Variants in PIBF1 observed in about 807,000 individuals in gnomAD.
PIBF1 encodes progesterone immunomodulatory binding factor 1.
Under a neutral mutation model 112.5 loss-of-function variants are expected in PIBF1, and 90 were observed. The ratio of observed to expected loss-of-function variants is 0.80; its 90% CI spans 0.67 to 0.95. The LOEUF is 0.95. Ranked by LOEUF, PIBF1 falls within the 40% of genes least tolerant of loss-of-function variation. PIBF1 has a pLI of 0.00. For missense variants in PIBF1, 915 were observed against 852.3 expected (o/e 1.07, Z -0.92); for synonymous variants, 301 against 288.6 (o/e 1.04, Z -0.44).
chr13:72,835,467 T>A (rs1172970893), intron 9 of PIBF1, 99 bp downstream of exon 9: 5 of 880,246 alleles, frequency 5.7e-6, no homozygotes, highest in Non-Finnish European at 8.1e-6. Flanking sequence ...ATGTCTTTTT[T>A]AATACATTAG....
intron 14 of PIBF1, among the ~76,000 whole-genome samples, chr13:72,931,718 G>GTATATATGTATATATATATA (rs2041704180): frequency 2.0e-5 from 2 of 101,978 alleles, no homozygotes; most frequent in Non-Finnish European, 3.9e-5. Context: ...TTTAAACTAC[G>GTATATATGTATATATATATA]TATATATATA....
intron 12 of PIBF1, among the ~76,000 whole-genome samples, chr13:72,911,431 G>A (rs1354052872): frequency 1.3e-5 from 2 of 151,910 alleles, no homozygotes; most frequent in Non-Finnish European, 2.9e-5. Flanking sequence ...AAAAAAATTG[G>A]ACATCTTTAT....
At chr13:72,922,540 C>G (rs750312571) in intron 13 of PIBF1, among the ~76,000 whole-genome samples, 5 of 152,142 alleles carry the variant, frequency 3.3e-5, no homozygotes, top group Non-Finnish European at 7.3e-5. Context: ...TTTGTTTTGG[C>G]TAATCTGAAT....
chr13:72,797,875 TAA>T (rs1341951648), intron 4 of PIBF1, 30 bp from the exon 5 acceptor site: 2 of 1,538,916 alleles, frequency 1.3e-6, no homozygotes, highest in East Asian at 4.6e-5. Flanking sequence ...AATTTGGATT[TAA>T]GACTGCTTAT....
At chr13:72,994,567 G>A (rs554842650) in intron 16 of PIBF1, among the ~76,000 whole-genome samples, 34 of 152,186 alleles carry the variant, frequency 2.2e-4, no homozygotes, top group African/African-American at 7.2e-4. Context: ...AAATAATGAG[G>A]CAATGCTGCA....
chr13:73,007,268 T>C (rs2044060949), intron 17 of PIBF1, among the ~76,000 whole-genome samples: 1 of 150,454 alleles, frequency 6.6e-6, no homozygotes, highest in Non-Finnish European at 1.5e-5. Context: ...AATGGAATTA[T>C]CAAAATAAAA....
chr13:72,872,136 T>C (rs2039193242), intron 10 of PIBF1, among the ~76,000 whole-genome samples: 1 of 152,188 alleles, frequency 6.6e-6, no homozygotes, highest in African/African-American at 2.4e-5. Context: ...AATATAATAA[T>C]AGTAACTTAT....
Position 72,973,615 on chromosome 13 carries a change from T to A in PIBF1, c.1989T>A (p.Ala663=). ...GCAACTTAAATAAAGAAAAGTCAGCTTTACTACAGACGAAGAATCAAATGG... is the reference window on the plus strand; with the variant it reads ...GCAACTTAAATAAAGAAAAGTCAGCATTACTACAGACGAAGAATCAAATGG... The part of the protein sequence containing the change: ...DVSNLNKEKS[A]LLQTKNQMAL... The change falls in exon 16 of 18, where the codon GCT becomes GCA. Residue 663 remains alanine (A), a synonymous_variant. Transcript: ENST00000326291. The A allele has an allele frequency of 1.9e-6, 3 of 1,573,074 alleles. No homozygotes were observed. The highest frequency in any genetic ancestry group is 2.6e-6 in the Non-Finnish European group (3 of 1,160,304).
At chr13:72,830,332 GA>G (rs1340475066) in intron 8 of PIBF1, among the ~76,000 whole-genome samples, 1 of 152,108 alleles carries the variant, frequency 6.6e-6, no homozygotes, top group Non-Finnish European at 1.5e-5. Flanking sequence ...AGGGGTGAGA[GA>G]GGGCATCCTT....
chr13:72,991,701 C>A (rs1440839564), intron 16 of PIBF1, among the ~76,000 whole-genome samples: 2 of 151,164 alleles, frequency 1.3e-5, no homozygotes, highest in Non-Finnish European at 2.9e-5. Flanking sequence ...CCAGCCTGGG[C>A]AACACACCCC....
chr13:72,903,419 A>G (rs2040576504), intron 11 of PIBF1, among the ~76,000 whole-genome samples: 1 of 152,164 alleles, frequency 6.6e-6, no homozygotes, highest in Non-Finnish European at 1.5e-5. Flanking sequence ...CACAAATTTT[A>G]AGAAATGATT....
At chr13:72,948,296 G>C (rs569419572) in intron 14 of PIBF1, among the ~76,000 whole-genome samples, 2 of 152,160 alleles carry the variant, frequency 1.3e-5, no homozygotes, top group Non-Finnish European at 2.9e-5. Flanking sequence ...AAGTTCCACA[G>C]ATCTCTAAGG....
At position 72,798,008 on chromosome 13, in the gene PIBF1, A is replaced by G. The variant is rs1216593432; in HGVS notation, c.654A>G (p.Gln218=). Residue 218 remains glutamine, a synonymous_variant, in exon 5 of 18, where the codon CAA becomes CAG. Coordinates refer to ENST00000326291, the MANE Select transcript of PIBF1 (RefSeq NM_006346.4). ...LAEELSTNKN[Q]LKQLTETYEE... ...AAGAATTAAGTACAAACAAAAACCAACTGAAGCAGCTGACAGAGGTTTGTA... is the reference window on the plus strand; with the variant it reads ...AAGAATTAAGTACAAACAAAAACCAGCTGAAGCAGCTGACAGAGGTTTGTA... 6 of 1,604,496 alleles carry G rather than the reference A, an allele frequency of 3.7e-6. No homozygotes were observed. In the African/African-American group the frequency reaches 4.0e-5, roughly 11 times the overall value.
chr13:72,988,466 A>G (rs372299308), intron 16 of PIBF1, among the ~76,000 whole-genome samples: 2 of 152,108 alleles, frequency 1.3e-5, no homozygotes, highest in East Asian at 3.9e-4. Context: ...GCAGATATTA[A>G]TACTATTCTA....
In PIBF1 at chr13:72,894,772, A is replaced by ATAGTGT. The variant is rs1491462402; in HGVS notation, c.1488+823_1488+824insTAGTGT. On this transcript the variant is annotated intron_variant, in intron 11 of 17. Transcript: ENST00000326291. ...TAATATATATATTATATATATATAT[A>ATAGTGT]GTGTGTGTGTGTGTGTGTGTGTGTG... is the stretch of plus-strand genomic sequence containing the variant. 3.4e-3 allele frequency among the ~76,000 whole-genome samples: 461 copies of ATAGTGT among 137,192 alleles called. 1 individual carries two copies. The highest frequency in any genetic ancestry group is 0.011 in the African/African-American group (385 of 35,176). 90.0% of individuals were successfully genotyped at this position (137,192 alleles called of 152,430 possible).
chr13:72,837,546 C>T (rs1275109142), intron 9 of PIBF1, among the ~76,000 whole-genome samples: 1 of 151,902 alleles, frequency 6.6e-6, no homozygotes, highest in Admixed American at 6.6e-5. Context: ...AGAAAATTTC[C>T]TAGTTTTCAT....
chr13:72,922,781 A>G (rs182729822), intron 13 of PIBF1, among the ~76,000 whole-genome samples: 137 of 152,236 alleles, frequency 9.0e-4, no homozygotes, highest in Non-Finnish European at 1.7e-3. Context: ...GGAAACTTGT[A>G]CTCATTTCAT....
intron 15 of PIBF1, among the ~76,000 whole-genome samples, chr13:72,966,232 A>C (rs2042735404): frequency 1.3e-5 from 2 of 152,180 alleles, no homozygotes; most frequent in African/African-American, 2.4e-5. Flanking sequence ...CAAAAATATA[A>C]ACCTATTGGT....
chr13:72,782,875 CGTGTGT>C lies in PIBF1; in HGVS notation c.-47-521_-47-516del, dbSNP rs34618038. Among the ~76,000 whole-genome samples, 295 of 147,436 alleles carry C rather than the reference CGTGTGT, an allele frequency of 2.0e-3. 1 individual carries two copies. Among genetic ancestry groups the C allele is most frequent in the South Asian group, 5.7e-3 (26 of 4,532 alleles). ...GCCTTCCAGTCTTGATCGTTAAGGG[CGTGTGT>C]GTGTGTGTGTGTGTGTGTGTGTGTG... On this transcript the variant is annotated intron_variant, in intron 1 of 17. Coordinates refer to ENST00000326291, the MANE Select transcript of PIBF1 (RefSeq NM_006346.4).
Sources: allele counts gnomAD v4.1 joint callset (sites outside exome capture counted in the v4.1 genomes callset), GRCh38; gene constraint gnomAD v4.1.1; transcripts MANE v1.5; gene names NCBI Gene and HGNC (gene_info 2026-07-23, HGNC 2026-07-21).